B4GALNT3: variants seen among roughly 807,000 people sequenced by gnomAD.
B4GALNT3 encodes the protein beta-1,4-N-acetylgalactosaminyltransferase 3.
Under a neutral mutation model 120.2 loss-of-function variants are expected in B4GALNT3, and 86 were observed. The observed-to-expected ratio is 0.72, with a 90% CI of 0.60 to 0.86. B4GALNT3 has a LOEUF of 0.86. B4GALNT3 is among the 40% of genes least tolerant of loss of function. B4GALNT3 has a pLI of 0.00. For synonymous variants in B4GALNT3, 518 were observed against 510.4 expected (o/e 1.01, Z -0.20); for missense variants, 1,167 against 1,298.9 (o/e 0.90, Z 1.56).
intron 1 of B4GALNT3, among the ~76,000 whole-genome samples, chr12:485,708 C>T (rs548217092): frequency 6.6e-5 from 10 of 152,194 alleles, no homozygotes; most frequent in Non-Finnish European, 1.2e-4. Context: ...AAAATGGATA[C>T]ATTTTATTAT....
intron 1 of B4GALNT3, among the ~76,000 whole-genome samples, chr12:468,038 CTTTAT>C (rs952105413): frequency 2.0e-5 from 3 of 152,100 alleles, no homozygotes; most frequent in Non-Finnish European, 4.4e-5. Flanking sequence ...ATGACTGTAC[CTTTAT>C]TTTATCTCCC....
chr12:553,330 C>T lies in B4GALNT3; in HGVS notation c.1407C>T (p.Asp469=). Residue 469 remains aspartate (D), a synonymous_variant, in exon 14 of 20, where the codon GAC becomes GAT. Transcript: ENST00000266383. ...PASTLEQDAT[D]YRLRSLRKLL... ...CCACCCTGGAGCAAGATGCCACTGA[C>T]TACCGCCTCCGAAGCCTGCGGAAAC... 6.2e-7 allele frequency: 1 copy of T among 1,613,762 alleles called. No homozygotes were observed. Among genetic ancestry groups the T allele is most frequent in the Non-Finnish European group, 8.5e-7 (1 of 1,180,048 alleles).
intron 1 of B4GALNT3, among the ~76,000 whole-genome samples, chr12:513,789 A>G (rs1193602385): frequency 2.0e-5 from 3 of 152,136 alleles, no homozygotes; most frequent in South Asian, 2.1e-4. Flanking sequence ...CGGTCTCCCT[A>G]TGTTGCCCAG....
chr12:482,882 A>G (rs1592016088), intron 1 of B4GALNT3, among the ~76,000 whole-genome samples: 1 of 152,094 alleles, frequency 6.6e-6, no homozygotes, highest in East Asian at 1.9e-4. Context: ...AGAAGGAAAG[A>G]AAGTGTACAC....
In B4GALNT3 at chr12:550,279, G is replaced by A. The variant is rs989267765; in HGVS notation, c.997+367G>A. Among the ~76,000 whole-genome samples, 1 of 152,204 alleles carries A rather than the reference G, an allele frequency of 6.6e-6. No homozygotes were observed. Among genetic ancestry groups the A allele is most frequent in the South Asian group, 2.1e-4 (1 of 4,834 alleles). On this transcript the variant is annotated intron_variant, in intron 10 of 19. Coordinates refer to ENST00000266383, the MANE Select transcript of B4GALNT3 (RefSeq NM_173593.4). The surrounding 1 kb of genome is among the most constrained non-coding windows in gnomAD (Gnocchi z 4.1). ...AGGAGAGAAATACGTGGACACCACA[G>A]TGTTAGAGTCTTAATGCATGATTCC...
chr12:544,315 A>G, intron 3 of B4GALNT3, 24 bp from the exon 4 acceptor site: 1 of 1,611,040 alleles, frequency 6.2e-7, no homozygotes, highest in Non-Finnish European at 8.5e-7. Flanking sequence ...ACGCTCACTC[A>G]CCACTGGCGT....
chr12:538,733 T>C (rs916243147), intron 3 of B4GALNT3, among the ~76,000 whole-genome samples: 2 of 152,102 alleles, frequency 1.3e-5, no homozygotes, highest in African/African-American at 2.4e-5. Context: ...ATTTTATCAA[T>C]GAGGAGAATA....
intron 1 of B4GALNT3, among the ~76,000 whole-genome samples, chr12:484,400 C>T (rs952432093): frequency 6.6e-6 from 1 of 152,224 alleles, no homozygotes; most frequent in East Asian, 1.9e-4. Context: ...GCTGAGAAGG[C>T]TGAGGCTTTG....
In B4GALNT3 at chr12:557,999, C is replaced by T. The variant is rs1947178738; in HGVS notation, c.2535-17C>T. The stretch of plus-strand genomic sequence containing the variant: ...CAGCTGAGTCCTGATACGCAGCCCT[C>T]TCTCCCCTTCCTGCAGCTACCAGTA... On this transcript the variant is annotated splice_polypyrimidine_tract_variant and intron_variant, in intron 16 of 19. Transcript: ENST00000266383. 6.2e-7 allele frequency: 1 copy of T among 1,613,760 alleles called. No individual in the cohort carries two copies. Among genetic ancestry groups the T allele is most frequent in the Non-Finnish European group, 8.5e-7 (1 of 1,179,806 alleles).
rs181906693 is a variant in B4GALNT3, at chr12:492,339, T to G, written c.169+31794T>G. Among the ~76,000 whole-genome samples the G allele has an allele frequency of 8.5e-5, 13 of 152,320 alleles. No individual in the cohort carries two copies. In the East Asian group the frequency reaches 2.5e-3, roughly 29 times the overall value. ...ATACCAGCAATGAACAAGTGGAATT[T>G]GAAATTAAAAACTCATTAATATTCA... On this transcript the variant is annotated intron_variant, in intron 1 of 19. Transcript: ENST00000266383.
chr12:532,617 G>A (rs1353689108), intron 1 of B4GALNT3, among the ~76,000 whole-genome samples: 7 of 152,258 alleles, frequency 4.6e-5, no homozygotes, highest in African/African-American at 1.4e-4. Flanking sequence ...TAAAGGCAAG[G>A]GTGGGAGATG....
intron 1 of B4GALNT3, among the ~76,000 whole-genome samples, chr12:496,923 G>C (rs566537851): frequency 1.3e-5 from 2 of 152,198 alleles, no homozygotes; most frequent in Non-Finnish European, 2.9e-5. Context: ...TGCCGCCCAG[G>C]CTGGAGTGCA....
chr12:492,055 CA>C (rs55702729), intron 1 of B4GALNT3, among the ~76,000 whole-genome samples: 64 of 131,852 alleles, frequency 4.9e-4, no homozygotes, highest in Non-Finnish European at 4.8e-4. Flanking sequence ...GAGACCGTCT[CA>C]AAAAAAAAAA....
chr12:546,920 T>C, intron 7 of B4GALNT3: 1 of 593,224 alleles, frequency 1.7e-6, no homozygotes, highest in Non-Finnish European at 3.0e-6. Context: ...CAGAAGGCCG[T>C]GACTTATTGC....
At chr12:500,864 G>GTTTTTT (rs1565594758) in intron 1 of B4GALNT3, among the ~76,000 whole-genome samples, 1 of 16,754 alleles carries the variant, frequency 6.0e-5, no homozygotes, top group African/African-American at 3.2e-4. Flanking sequence ...TGGCTCCACT[G>GTTTTTT]CTTTTTTTTT....
intron 1 of B4GALNT3, among the ~76,000 whole-genome samples, chr12:491,769 C>A (rs1039247709): frequency 6.6e-6 from 1 of 151,888 alleles, no homozygotes; most frequent in Non-Finnish European, 1.5e-5. Flanking sequence ...AGGAACAAGG[C>A]AATAGGCCGG....
In B4GALNT3 at chr12:552,342, C is replaced by T. The variant is rs913788972; in HGVS notation, c.1209-125C>T. Reference sequence around the variant, plus strand: ...ACACACACACACACACACACCCGCTCACCAGCCTCCTTCCTCCACTCTAGT... The same window carrying T: ...ACACACACACACACACACACCCGCTTACCAGCCTCCTTCCTCCACTCTAGT... On this transcript the variant is annotated intron_variant, in intron 12 of 19. Coordinates refer to ENST00000266383, the MANE Select transcript of B4GALNT3 (RefSeq NM_173593.4). 4 of 992,006 alleles carry T rather than the reference C, an allele frequency of 4.0e-6. No individual in the cohort carries two copies. In the Admixed American group the frequency reaches 5.5e-5, roughly 14 times the overall value. The allele number at this position is 992,006 out of a possible 1,614,324, so 61.5% of individuals were successfully genotyped here.
intron 1 of B4GALNT3, among the ~76,000 whole-genome samples, chr12:530,901 G>A (rs962067261): frequency 6.6e-6 from 1 of 152,146 alleles, no homozygotes; most frequent in Admixed American, 6.6e-5. Flanking sequence ...CAGAATATGA[G>A]GCCCACGGTG....
At chr12:546,745 G>A (rs1468551767) in intron 7 of B4GALNT3, 32 bp downstream of exon 7, 6 of 1,533,950 alleles carry the variant, frequency 3.9e-6, no homozygotes, top group South Asian at 1.2e-5. Context: ...CGCTGTGGGC[G>A]CCTCGGTGCC....
Sources: gnomAD v4.1 joint callset for allele counts (sites outside exome capture counted in the v4.1 genomes callset) on GRCh38, gnomAD v4.1.1 for gene constraint, Gnocchi (gnomAD v3.1) non-coding constraint, MANE v1.5 for transcripts, NCBI Gene and HGNC (gene_info 2026-07-23, HGNC 2026-07-21) for gene names.